SEMA5A: variants seen among roughly 807,000 people sequenced by gnomAD.
The protein encoded by SEMA5A is semaphorin 5A.
In SEMA5A, 55 loss-of-function variants were observed where a neutral mutation model predicts 135.5. The observed-to-expected ratio is 0.41, with a 90% confidence interval of 0.33 to 0.51. The LOEUF is 0.51. Among genes scored for constraint, SEMA5A ranks in the 20% least tolerant of loss-of-function variants. The pLI is 0.37. For synonymous variants in SEMA5A, 580 were observed against 546.5 expected (o/e 1.06, Z -0.85); for missense variants, 1,290 against 1,419.9 (o/e 0.91, Z 1.47).
intron 1 of SEMA5A, among the ~76,000 whole-genome samples, chr5:9,509,990 A>G (rs920398416): frequency 3.9e-5 from 6 of 152,336 alleles, no homozygotes; most frequent in Non-Finnish European, 7.3e-5. Context: ...ACGCAGAGGA[A>G]AAAGCAACAG....
At chr5:9,197,077 C>T (rs958204038) in intron 10 of SEMA5A, 91 bp downstream of exon 10, 34 of 1,549,964 alleles carry the variant, frequency 2.2e-5, no homozygotes, top group East Asian at 4.5e-5. Context: ...TGCATGCACC[C>T]GCGGTTTAAA....
At chr5:9,225,056 T>A (rs1047285624) in intron 7 of SEMA5A, among the ~76,000 whole-genome samples, 169 bp from the exon 8 acceptor site, 10 of 152,170 alleles carry the variant, frequency 6.6e-5, no homozygotes, top group African/African-American at 2.2e-4. Flanking sequence ...GAGCCTACTC[T>A]GCTCATGGTA....
chr5:9,188,211 A>G (rs1379177261), intron 11 of SEMA5A, among the ~76,000 whole-genome samples: 2 of 152,196 alleles, frequency 1.3e-5, no homozygotes, highest in Non-Finnish European at 2.9e-5. Flanking sequence ...GCAGGCAGCC[A>G]TCTGCAAACC....
intron 11 of SEMA5A, among the ~76,000 whole-genome samples, chr5:9,172,139 C>A (rs1743957462): frequency 6.6e-6 from 1 of 152,154 alleles, no homozygotes; most frequent in East Asian, 1.9e-4. Context: ...CACAGACAAG[C>A]TGCCAGGTGA....
intron 1 of SEMA5A, among the ~76,000 whole-genome samples, chr5:9,451,373 A>G (rs1758639147): frequency 6.6e-6 from 1 of 152,222 alleles, no homozygotes; most frequent in African/African-American, 2.4e-5. Context: ...ACCCATCATT[A>G]GACTGGGAAC....
chr5:9,207,571 G>T (rs1285548019), intron 8 of SEMA5A, among the ~76,000 whole-genome samples: 4 of 152,144 alleles, frequency 2.6e-5, no homozygotes, highest in Admixed American at 2.6e-4. Flanking sequence ...CACACAGCCA[G>T]CAGTTTTCTG....
chr5:9,269,376 C>G (rs1039217768), intron 5 of SEMA5A, among the ~76,000 whole-genome samples: 2 of 152,114 alleles, frequency 1.3e-5, no homozygotes, highest in South Asian at 4.1e-4. Flanking sequence ...GTATCTGACT[C>G]AGTAGAAAGA....
chr5:9,255,747 C>T (rs1579722606), intron 5 of SEMA5A, among the ~76,000 whole-genome samples: 1 of 152,248 alleles, frequency 6.6e-6, no homozygotes, highest in South Asian at 2.1e-4. Flanking sequence ...TTTATGACAG[C>T]AAACACCATC....
At chr5:9,327,987 A>G (rs1042698269) in intron 4 of SEMA5A, among the ~76,000 whole-genome samples, 1 of 152,178 alleles carries the variant, frequency 6.6e-6, no homozygotes, top group African/African-American at 2.4e-5. Context: ...GCTTTAAATT[A>G]TCTCCATATA....
At chr5:9,504,072 A>G (rs1371489143) in intron 1 of SEMA5A, among the ~76,000 whole-genome samples, 1 of 151,632 alleles carries the variant, frequency 6.6e-6, no homozygotes, top group East Asian at 2.0e-4. Context: ...AAAATTAGCC[A>G]GGCATGGTGG....
At position 9,486,787 on chromosome 5, in the gene SEMA5A, TCTAAA is replaced by T. The variant is rs768074706; in HGVS notation, c.-174-48940_-174-48936del. Among the ~76,000 whole-genome samples the T allele has an allele frequency of 4.6e-4, 70 of 152,120 alleles. 1 individual carries two copies. The highest frequency in any genetic ancestry group is 8.5e-4 in the Non-Finnish European group (58 of 68,018). On this transcript the variant is annotated intron_variant, in intron 1 of 22. Transcript: ENST00000382496. ...GATGATGAGAAAATCTGAAAAGCTG[TCTAAA>T]AAGGGGGCCAGAGGTAGAAAACTTT...
intron 13 of SEMA5A, among the ~76,000 whole-genome samples, chr5:9,124,943 A>G (rs1045718130): frequency 6.6e-6 from 1 of 152,178 alleles, no homozygotes; most frequent in Non-Finnish European, 1.5e-5. Flanking sequence ...TCATCCTCAC[A>G]TGAAACAACT....
rs1215596100 is a variant in SEMA5A at position 9,037,205 on chromosome 5, C to G, written c.*5692G>C. The G allele has an allele frequency of 6.6e-6, 1 of 152,160 alleles. No homozygotes were observed. Among genetic ancestry groups the G allele is most frequent in the South Asian group, 2.1e-4 (1 of 4,824 alleles). 9.4% of individuals were successfully genotyped at this position (152,160 alleles called of 1,614,324 possible). On this transcript the variant is annotated 3_prime_UTR_variant, in exon 23 of 23. Coordinates refer to ENST00000382496, the MANE Select transcript of SEMA5A (RefSeq NM_003966.3). ...GATCTGAAAGTGCCCTTGACTAGTT[C>G]CTGCCATTGCGCCAACACTGTAAAA... is the stretch of plus-strand genomic sequence containing the variant.
intron 13 of SEMA5A, among the ~76,000 whole-genome samples, chr5:9,132,954 G>T (rs2150210093): frequency 6.6e-6 from 1 of 152,310 alleles, no homozygotes; most frequent in East Asian, 1.9e-4. Context: ...AGGTAACAGT[G>T]TTTACTGATT....
At chr5:9,151,315 C>A (rs1742623738) in intron 12 of SEMA5A, among the ~76,000 whole-genome samples, 1 of 152,140 alleles carries the variant, frequency 6.6e-6, no homozygotes, top group Non-Finnish European at 1.5e-5. Context: ...TTTAGATAAG[C>A]AGTTTCCCTT....
intron 3 of SEMA5A, among the ~76,000 whole-genome samples, chr5:9,378,850 T>C (rs1755475158): frequency 6.6e-6 from 1 of 152,130 alleles, no homozygotes; most frequent in Admixed American, 6.5e-5. Context: ...TATTATTTGT[T>C]TGTTTGTTTG....
At chr5:9,134,402 C>T (rs567267069) in intron 13 of SEMA5A, among the ~76,000 whole-genome samples, 1 of 152,208 alleles carries the variant, frequency 6.6e-6, no homozygotes, top group Non-Finnish European at 1.5e-5. Context: ...CCTGTCTCAG[C>T]CTCCTAAAGT....
At chr5:9,208,919 T>C (rs1365323727) in intron 8 of SEMA5A, among the ~76,000 whole-genome samples, 1 of 152,154 alleles carries the variant, frequency 6.6e-6, no homozygotes, top group East Asian at 1.9e-4. Flanking sequence ...GTGTCACTCA[T>C]TGAGCCCCTT....
intron 9 of SEMA5A, among the ~76,000 whole-genome samples, chr5:9,199,627 A>C (rs929109594): frequency 1.3e-5 from 2 of 152,194 alleles, no homozygotes; most frequent in Admixed American, 1.3e-4. Flanking sequence ...TTCTATCAGC[A>C]ATCAAGGTAA....
Sources: allele counts gnomAD v4.1 joint callset (sites outside exome capture counted in the v4.1 genomes callset), GRCh38; gene constraint gnomAD v4.1.1; transcripts MANE v1.5; gene names NCBI Gene and HGNC (gene_info 2026-07-23, HGNC 2026-07-21).